TRIP12: variants seen among roughly 807,000 people sequenced by gnomAD.
The protein encoded by TRIP12 is thyroid hormone receptor interactor 12.
TRIP12 carries 25 observed loss-of-function variants against 244.2 expected under a neutral mutation model. The observed-to-expected ratio is 0.10, with a 90% CI of 0.07 to 0.14. The LOEUF is 0.14. Among genes scored for constraint, TRIP12 ranks in the 10% least tolerant of loss-of-function variants. TRIP12 has a pLI of 1.00. For synonymous variants in TRIP12, 905 were observed against 873.1 expected (o/e 1.04, Z -0.64); for missense variants, 1,677 against 2,486.4 (o/e 0.67, Z 6.92).
intron 1 of TRIP12, among the ~76,000 whole-genome samples, chr2:229,919,530 C>T (rs1254994945): frequency 6.6e-6 from 1 of 151,986 alleles, no homozygotes; most frequent in East Asian, 1.9e-4. Context: ...GCATCCCATT[C>T]GTTTTTTAAA....
chr2:229,880,868 C>T (rs905570938), intron 1 of TRIP12, among the ~76,000 whole-genome samples: 2 of 152,098 alleles, frequency 1.3e-5, no homozygotes, highest in South Asian at 2.1e-4. Flanking sequence ...CGCTCGAACC[C>T]GGGAGGCAGG....
At position 229,774,130 on chromosome 2, in the gene TRIP12, T is replaced by C; in HGVS notation, c.5661A>G (p.Pro1887=). ...IELKKGGKDI[P]VTIHNLEEYL... ...ACTCCTCTAAATTGTGGATAGTGAC[T>C]GGTATATCCTTCCCTCCTTTCTTCA... is the stretch of plus-strand genomic sequence containing the variant. Residue 1887 remains proline, a synonymous_variant, in exon 38 of 42, where the codon CCA becomes CCG. Transcript: ENST00000675903. 1 of 1,614,126 alleles carries C rather than the reference T, an allele frequency of 6.2e-7. No homozygotes were observed. The highest frequency in any genetic ancestry group is 8.5e-7 in the Non-Finnish European group (1 of 1,180,000).
At chr2:229,905,518 A>G (rs2072488094) in intron 1 of TRIP12, among the ~76,000 whole-genome samples, 1 of 82,940 alleles carries the variant, frequency 1.2e-5, no homozygotes, top group Non-Finnish European at 2.9e-5. Context: ...CTCTTAAAAC[A>G]GTTTTCAGAC....
rs1398201008 is a variant in TRIP12 at position 229,864,037 on chromosome 2, AGAGAGAGAGAGTGTGTGTGTGT to A, written c.99-3528_99-3507del. ...GAGAGAGAGAGAGAGAGAGAGAGAG[AGAGAGAGAGAGTGTGTGTGTGT>A]GTGTGTGTGTGTGTGTGTGCACGCG... On this transcript the variant is annotated intron_variant, in intron 2 of 41. Coordinates refer to ENST00000675903, the MANE Select transcript of TRIP12 (RefSeq NM_001348323.3). Among the ~76,000 whole-genome samples, 216 of 85,876 alleles carry A rather than the reference AGAGAGAGAGAGTGTGTGTGTGT, an allele frequency of 2.5e-3. 1 individual carries two copies. Among genetic ancestry groups the A allele is most frequent in the African/African-American group, 7.7e-3 (202 of 26,224 alleles). The allele number at this position is 85,876 out of a possible 152,430, so 56.3% of individuals were successfully genotyped here.
At chr2:229,815,407 AT>A (rs1271610898) in intron 9 of TRIP12, 99 bp from the exon 10 acceptor site, 1 of 701,662 alleles carries the variant, frequency 1.4e-6, no homozygotes, top group African/African-American at 1.8e-5. Flanking sequence ...AAATGGAAGT[AT>A]TATTCCTAAC....
chr2:229,839,758 G>A (rs755425264), intron 5 of TRIP12, among the ~76,000 whole-genome samples: 5 of 152,148 alleles, frequency 3.3e-5, no homozygotes, highest in Middle Eastern at 3.4e-3. Context: ...AATTAGCAGC[G>A]GAATGGCACC....
Position 229,777,496 on chromosome 2 carries a change from A to AT in TRIP12, c.5365-18dup. 1 of 1,613,192 alleles carries AT rather than the reference A, an allele frequency of 6.2e-7. No individual in the cohort carries two copies. Among genetic ancestry groups the AT allele is most frequent in the South Asian group, 1.1e-5 (1 of 91,040 alleles). On this transcript the variant is annotated splice_polypyrimidine_tract_variant and intron_variant, in intron 36 of 41. Coordinates refer to ENST00000675903, the MANE Select transcript of TRIP12 (RefSeq NM_001348323.3). ...AAGGTCCACCTGAAATGGAATATGC[A>AT]TAATATTTTCACTGTCACACTGAAC... is the stretch of plus-strand genomic sequence containing the variant.
At chr2:229,814,568 A>G (rs1315967943) in intron 11 of TRIP12, 7 of 354,710 alleles carry the variant, frequency 2.0e-5, no homozygotes, top group South Asian at 9.0e-5. Flanking sequence ...ACCCAATTAC[A>G]TAACTTTTAA....
chr2:229,799,962 T>G lies in TRIP12; in HGVS notation c.3207-579A>C, dbSNP rs114734856. 5.5e-3 allele frequency among the ~76,000 whole-genome samples: 844 copies of G among 152,332 alleles called. 4 individuals carry two copies. Among genetic ancestry groups the G allele is most frequent in the Middle Eastern group, 0.014 (4 of 294 alleles). ...TAAGATGACTGATCAATTTTCTATG[T>G]GTTCCACTTTAAATAGTAGTATATA... On this transcript the variant is annotated intron_variant, in intron 21 of 41. Transcript: ENST00000675903.
At chr2:229,892,949 T>C (rs778279719) in intron 1 of TRIP12, among the ~76,000 whole-genome samples, 22 of 152,218 alleles carry the variant, frequency 1.4e-4, no homozygotes, top group Non-Finnish European at 2.6e-4. Context: ...CAAATGGGCA[T>C]AAACATAAAC....
intron 1 of TRIP12, among the ~76,000 whole-genome samples, chr2:229,880,895 G>T (rs1027382997): frequency 6.6e-6 from 1 of 152,202 alleles, no homozygotes; most frequent in Middle Eastern, 3.2e-3. Context: ...AGTGAGCCTA[G>T]ATCATGCCAC....
chr2:229,780,900 C>T (rs2037927991), intron 34 of TRIP12, among the ~76,000 whole-genome samples: 1 of 152,078 alleles, frequency 6.6e-6, no homozygotes, highest in African/African-American at 2.4e-5. Context: ...GCACTAGAGG[C>T]CTGAGGAACA....
intron 2 of TRIP12, among the ~76,000 whole-genome samples, chr2:229,872,385 G>A (rs887043582): frequency 4.6e-5 from 7 of 152,274 alleles, no homozygotes; most frequent in Admixed American, 2.6e-4. Context: ...CCAACAAAGT[G>A]AAACCCTGTC....
Position 229,785,850 on chromosome 2 carries a change from A to C in TRIP12, c.5001T>G (p.Thr1667=). Residue 1667 remains threonine (T), a synonymous_variant, in exon 34 of 42, where the codon ACT becomes ACG. Coordinates refer to ENST00000675903, the MANE Select transcript of TRIP12 (RefSeq NM_001348323.3). ...GTTTCAGCAGCTCCTCTCGGTTCAC[A>C]GTACGCTACAAAGAAAGTACAACTG... ...VAPRLDRKKR[T]VNREELLKQA... is the part of the protein sequence containing the mutation. The C allele has an allele frequency of 6.2e-7, 1 of 1,612,244 alleles. No homozygotes were observed. The highest frequency in any genetic ancestry group is 8.5e-7 in the Non-Finnish European group (1 of 1,179,286).
chr2:229,919,306 C>T (rs2154383664), intron 1 of TRIP12, among the ~76,000 whole-genome samples: 1 of 152,138 alleles, frequency 6.6e-6, no homozygotes, highest in Admixed American at 6.5e-5. Flanking sequence ...ATCTCAGCTA[C>T]TCAGGAGGCT....
chr2:229,844,609 T>C (rs1159633015), intron 4 of TRIP12, among the ~76,000 whole-genome samples: 1 of 152,180 alleles, frequency 6.6e-6, no homozygotes, highest in Admixed American at 6.5e-5. Flanking sequence ...ATAAGTAAAC[T>C]TTCCAGCTTC....
intron 1 of TRIP12, among the ~76,000 whole-genome samples, chr2:229,883,133 A>C (rs1489150967): frequency 6.6e-6 from 1 of 152,222 alleles, no homozygotes; most frequent in East Asian, 1.9e-4. Flanking sequence ...GATCAAGTTC[A>C]ACCCCTTATA....
chr2:229,824,493 T>A (rs1033017146), intron 8 of TRIP12, among the ~76,000 whole-genome samples: 3 of 152,120 alleles, frequency 2.0e-5, no homozygotes, highest in African/African-American at 7.2e-5. Context: ...AAAGCTACAT[T>A]TCACTGAAGC....
At chr2:229,894,282 T>C (rs1036377429) in intron 1 of TRIP12, 2 of 152,222 alleles carry the variant, frequency 1.3e-5, no homozygotes, top group African/African-American at 4.8e-5. Context: ...CCCCGCCGAC[T>C]TTCCAAACCC....
Sources: allele counts gnomAD v4.1 joint callset (sites outside exome capture counted in the v4.1 genomes callset), GRCh38; gene constraint gnomAD v4.1.1; transcripts MANE v1.5; gene names NCBI Gene and HGNC (gene_info 2026-07-23, HGNC 2026-07-21).